The following MAP7D3 variants were observed in gnomAD, a reference collection of about 807,000 sequenced individuals.
MAP7D3 encodes the protein MAP7 domain-containing protein 3.
A neutral mutation model predicts 62.2 loss-of-function variants in MAP7D3; 45 were observed. That is an observed-to-expected ratio of 0.72 (90% CI 0.57 to 0.93). The LOEUF (loss-of-function observed/expected upper bound fraction) is 0.93, where lower values mean the gene tolerates loss of function less well. MAP7D3 is among the 40% of genes least tolerant of loss of function. The pLI is 0.00. For missense variants in MAP7D3, 711 were observed against 683.1 expected, an observed-to-expected ratio of 1.04 and a Z score of -0.45; for synonymous variants, 288 against 248.8, an observed-to-expected ratio of 1.16 and a Z score of -1.48.
At chrX:136,252,095 G>C (rs1312717078), upstream of MAP7D3, among the ~76,000 whole-genome samples, 1 of 111,896 alleles carries the variant, frequency 8.9e-6, no homozygotes, top group Non-Finnish European at 1.9e-5. Flanking sequence ...CCTTTAAGGG[G>C]CAGACCTCAC....
intron 1 of MAP7D3, among the ~76,000 whole-genome samples, chrX:136,250,857 C>A (rs952591438): frequency 3.6e-5 from 4 of 111,678 alleles, no homozygotes; most frequent in African/African-American, 1.3e-4. Context: ...TGCGGGCGCC[C>A]GCACATCCCA....
chrX:136,247,880 A>G (rs1271268300), intron 1 of MAP7D3, among the ~76,000 whole-genome samples: 1 of 112,098 alleles, frequency 8.9e-6, no homozygotes, highest in Non-Finnish European at 1.9e-5. Flanking sequence ...AGTCCCAAGG[A>G]TAGTCCGTAT....
rs1220836379 is a variant in MAP7D3, at chrX:136,218,057, AAAAAAAAAAAAG to A, written c.*457_*468del. 1 of 109,600 alleles carries A rather than the reference AAAAAAAAAAAAG, an allele frequency of 9.1e-6. No homozygotes were observed. Among genetic ancestry groups the A allele is most frequent in the Admixed American group, 9.7e-5 (1 of 10,347 alleles). The allele number at this position is 109,600 out of a possible 1,213,427, so 9.0% of individuals were successfully genotyped here. On this transcript the variant is annotated 3_prime_UTR_variant, in exon 19 of 19. Coordinates refer to ENST00000316077, the MANE Select transcript of MAP7D3 (RefSeq NM_024597.4). Reference sequence around the variant, plus strand: ...GCGACAGGGCAAGACTCCGTCTCAAAAAAAAAAAAAAGAAAAAGAAAAAGAAAAAGCATTACT... The same window carrying A: ...GCGACAGGGCAAGACTCCGTCTCAAAAAAAAGAAAAAGAAAAAGCATTACT...
intron 1 of MAP7D3, among the ~76,000 whole-genome samples, chrX:136,249,205 G>A (rs1156974351): frequency 8.9e-6 from 1 of 112,225 alleles, no homozygotes; most frequent in African/African-American, 3.2e-5. Flanking sequence ...GACTCTGGAT[G>A]CCTGACAAGA....
intron 18 of MAP7D3, among the ~76,000 whole-genome samples, chrX:136,218,751 C>T (rs17002073): frequency 0.023 from 2,623 of 111,806 alleles, 82 homozygotes; most frequent in African/African-American, 0.08. Context: ...GAGGCTTATT[C>T]CGAAGACCTC....
At chrX:136,215,189 T>C (rs2074053325), downstream of MAP7D3, among the ~76,000 whole-genome samples, 1 of 111,433 alleles carries the variant, frequency 9.0e-6, no homozygotes, top group Admixed American at 9.5e-5. Context: ...AAAGCAGAGG[T>C]CCCCAACCCT....
chrX:136,256,303 C>A, upstream of MAP7D3: 1 of 1,155,264 alleles, frequency 8.7e-7, no homozygotes, highest in Non-Finnish European at 1.1e-6. Flanking sequence ...TACAGACTTA[C>A]CTCGGGGGCT....
Position 136,240,290 on chromosome X carries a change from G to A in MAP7D3, c.640+92C>T, listed in dbSNP as rs764916643. 16 of 513,713 alleles carry A rather than the reference G, an allele frequency of 3.1e-5. No homozygotes were observed. The South Asian group carries it at 4.5e-4, about 14-fold the overall frequency. The allele number at this position is 513,713 out of a possible 1,213,427, so 42.3% of individuals were successfully genotyped here. A position where few individuals can be genotyped will look rare whatever the true frequency, so the allele number is the denominator to read the frequency against. On this transcript the variant is annotated intron_variant, in intron 6 of 18. Transcript: ENST00000316077. ...GGACTCTTCTGAAATAAACATAAAT[G>A]TTCCACAATCTAAATAGGTGGTACT...
intron 6 of MAP7D3, among the ~76,000 whole-genome samples, chrX:136,237,443 G>T (rs775482668): frequency 1.8e-5 from 2 of 112,337 alleles, no homozygotes; most frequent in East Asian, 2.8e-4. Context: ...CTTCATCTGA[G>T]TTTAAAATGT....
chrX:136,243,872 T>C (rs2148419867), intron 4 of MAP7D3, among the ~76,000 whole-genome samples: 1 of 110,992 alleles, frequency 9.0e-6, no homozygotes, highest in South Asian at 3.9e-4. Flanking sequence ...TCATACGGAA[T>C]GAGACAGGTA....
Position 136,234,694 on chromosome X carries a change from A to C in MAP7D3, c.736+1550T>G, listed in dbSNP as rs534859714. Among the ~76,000 whole-genome samples, 19 of 112,013 alleles carry C rather than the reference A, an allele frequency of 1.7e-4. No individual in the cohort carries two copies. The South Asian group carries it at 7.1e-3, about 42-fold the overall frequency. ...AGCCTGCTTTGAAATGCAAACACTT[A>C]ACACCTCCTGGCTTTCCACCATATG... On this transcript the variant is annotated intron_variant, in intron 7 of 18. Transcript: ENST00000316077.
chrX:136,221,177 C>T (rs1434217218), intron 15 of MAP7D3, among the ~76,000 whole-genome samples: 4 of 111,364 alleles, frequency 3.6e-5, no homozygotes, highest in African/African-American at 1.3e-4. Context: ...TCACCCTGCC[C>T]TTGAGGCACC....
intron 7 of MAP7D3, among the ~76,000 whole-genome samples, chrX:136,233,975 T>C (rs1188198209): frequency 9.0e-6 from 1 of 111,074 alleles, no homozygotes; most frequent in East Asian, 2.8e-4. Context: ...TATCTCACCA[T>C]AGATTGGTGG....
rs2074382612 is a variant in MAP7D3, at chrX:136,240,888, A to AAGGTTAGGGTT, written c.535+271_535+272insAACCCTAACCT. Reference sequence around the variant, plus strand: ...TTATTTTTAAAAATATGCATTTGATAAGCTGTGTAAAGCTTAGTCATTATT... The same window carrying AAGGTTAGGGTT: ...TTATTTTTAAAAATATGCATTTGATAAGGTTAGGGTTAGCTGTGTAAAGCTTAGTCATTATT... On this transcript the variant is annotated intron_variant, in intron 5 of 18. Coordinates refer to ENST00000316077, the MANE Select transcript of MAP7D3 (RefSeq NM_024597.4). 2.7e-5 allele frequency among the ~76,000 whole-genome samples: 3 copies of AAGGTTAGGGTT among 112,769 alleles called. No individual in the cohort carries two copies. In the South Asian group the frequency reaches 1.1e-3, roughly 41 times the overall value.
upstream of MAP7D3, among the ~76,000 whole-genome samples, chrX:136,252,208 T>C (rs2074520769): frequency 9.0e-6 from 1 of 111,039 alleles, no homozygotes; most frequent in Admixed American, 9.6e-5. Context: ...CCATTAAGTG[T>C]GGTGCAGGAG....
At chrX:136,229,731 C>T (rs1191184121) in intron 10 of MAP7D3, among the ~76,000 whole-genome samples, 9 of 105,548 alleles carry the variant, frequency 8.5e-5, no homozygotes, top group Non-Finnish European at 1.4e-4. Flanking sequence ...TATGGGGTCT[C>T]GCTCTCTCAT....
chrX:136,251,899 CTG>C (rs2074518217), upstream of MAP7D3, among the ~76,000 whole-genome samples: 1 of 111,751 alleles, frequency 8.9e-6, no homozygotes, highest in African/African-American at 3.3e-5. Context: ...CTTCCCTAAA[CTG>C]TTGCACAATA....
chrX:136,250,912 C>T, intron 1 of MAP7D3, among the ~76,000 whole-genome samples: 1 of 111,632 alleles, frequency 9.0e-6, no homozygotes, highest in South Asian at 3.7e-4. Context: ...CGGCCACCGC[C>T]CCCCAAGGGC....
At position 136,220,836 on chromosome X, in the gene MAP7D3, A is replaced by G. The variant is rs1163786572; in HGVS notation, c.2415T>C (p.Tyr805=). ...TGAAGTTTTTCAAATCGCCATTAAA[A>G]TATGTTTTTGGCTCTTTACGGACCT... ...TSQVRKEPKT[Y]FNGDLKNFRQ... Residue 805 remains tyrosine (Y), a synonymous_variant, in exon 16 of 19, where the codon TAT becomes TAC. Coordinates refer to ENST00000316077, the MANE Select transcript of MAP7D3 (RefSeq NM_024597.4). The G allele has an allele frequency of 8.3e-7, 1 of 1,208,851 alleles. No individual in the cohort carries two copies. Among genetic ancestry groups the G allele is most frequent in the Non-Finnish European group, 1.1e-6 (1 of 894,135 alleles).
Sources: gnomAD v4.1 joint callset for allele counts (sites outside exome capture counted in the v4.1 genomes callset) on GRCh38, gnomAD v4.1.1 for gene constraint, MANE v1.5 for transcripts, NCBI Gene and HGNC (gene_info 2026-07-23, HGNC 2026-07-21) for gene names.